SPOCK3: variants seen among roughly 807,000 people sequenced by gnomAD.
SPOCK3 encodes testican-3.
In SPOCK3, 30 loss-of-function variants were observed where a neutral mutation model predicts 56.6. The ratio of observed to expected loss-of-function variants is 0.53; its 90% CI spans 0.40 to 0.72. The LOEUF (loss-of-function observed/expected upper bound fraction) is 0.72, where lower values mean the gene tolerates loss of function less well. SPOCK3 is among the 30% of genes least tolerant of loss of function. SPOCK3 has a pLI of 0.00. For synonymous variants in SPOCK3, 196 were observed against 183.3 expected (o/e 1.07, Z -0.56); for missense variants, 527 against 530.0 (o/e 0.99, Z 0.06).
intron 2 of SPOCK3, among the ~76,000 whole-genome samples, chr4:167,192,772 C>T (rs1208103174): frequency 6.9e-6 from 1 of 145,492 alleles, no homozygotes; most frequent in East Asian, 2.1e-4. Context: ...ATTCTGCTGC[C>T]TCCCGTAACT....
intron 4 of SPOCK3, among the ~76,000 whole-genome samples, chr4:166,975,651 TCTC>T (rs532746437): frequency 1.6e-4 from 25 of 152,136 alleles, no homozygotes; most frequent in Non-Finnish European, 3.4e-4. Context: ...ACTGCCCTCA[TCTC>T]CTACTTCCCC....
chr4:167,034,873 T>C (rs1022608937), intron 3 of SPOCK3, among the ~76,000 whole-genome samples: 4 of 152,170 alleles, frequency 2.6e-5, no homozygotes, highest in South Asian at 2.1e-4. Context: ...TTTATCTCCA[T>C]ACAGAATTTC....
At chr4:167,090,611 C>A in intron 2 of SPOCK3, among the ~76,000 whole-genome samples, 1 of 151,890 alleles carries the variant, frequency 6.6e-6, no homozygotes, top group East Asian at 1.9e-4. Context: ...TCAAGTGATT[C>A]TCCTGCCTCA....
chr4:166,861,509 G>A lies in SPOCK3; in HGVS notation c.589+27621C>T, dbSNP rs74408006. The stretch of plus-strand genomic sequence containing the variant: ...GGCAAAATAACCCATTTCAGTAGAT[G>A]TTTAAATATAATGCCAAGAGTGCCT... On this transcript the variant is annotated intron_variant, in intron 6 of 10. Transcript: ENST00000357545. Among the ~76,000 whole-genome samples the A allele has an allele frequency of 4.7e-3, 711 of 152,252 alleles. 3 individuals carry two copies. The highest frequency in any genetic ancestry group is 0.016 in the African/African-American group (681 of 41,548).
intron 8 of SPOCK3, among the ~76,000 whole-genome samples, chr4:166,743,834 G>A (rs749460141): frequency 1.1e-4 from 17 of 152,196 alleles, no homozygotes; most frequent in East Asian, 1.9e-4. Context: ...TGGGTCCCAC[G>A]CCCATGGAGC....
At chr4:166,876,818 T>C (rs1733136362) in intron 6 of SPOCK3, among the ~76,000 whole-genome samples, 1 of 152,104 alleles carries the variant, frequency 6.6e-6, no homozygotes, top group African/African-American at 2.4e-5. Flanking sequence ...TGAGCAGAAC[T>C]TGTTGCAAAA....
intron 2 of SPOCK3, among the ~76,000 whole-genome samples, chr4:167,185,521 AC>A (rs1242801872): frequency 6.6e-6 from 1 of 151,978 alleles, no homozygotes; most frequent in Non-Finnish European, 1.5e-5. Flanking sequence ...CAGAGAACCA[AC>A]CCTAAATCAT....
intron 3 of SPOCK3, among the ~76,000 whole-genome samples, chr4:167,047,701 T>C (rs984794841): frequency 1.3e-5 from 2 of 152,202 alleles, no homozygotes; most frequent in Non-Finnish European, 2.9e-5. Flanking sequence ...CTATCTTTAC[T>C]ATCTATTTTA....
chr4:166,869,887 C>T lies in SPOCK3; in HGVS notation c.589+19243G>A, dbSNP rs750737483. Among the ~76,000 whole-genome samples the T allele has an allele frequency of 5.9e-5, 9 of 151,998 alleles. No homozygotes were observed. The South Asian group carries it at 6.2e-4, about 10-fold the overall frequency. On this transcript the variant is annotated intron_variant, in intron 6 of 10. Transcript: ENST00000357545. ...TGAATGCCATAAACAAGTAGAAACA[C>T]TTAAACAGTAATTTTTATTAATTGC...
Position 166,982,626 on chromosome 4 carries a change from TA to T in SPOCK3, c.350+17722del, listed in dbSNP as rs1746710560. Among the ~76,000 whole-genome samples the T allele has an allele frequency of 2.0e-5, 3 of 152,158 alleles. No individual in the cohort carries two copies. The East Asian group carries it at 5.8e-4, about 29-fold the overall frequency. On this transcript the variant is annotated intron_variant, in intron 4 of 10. Coordinates refer to ENST00000357545, the MANE Select transcript of SPOCK3 (RefSeq NM_001040159.2). ...AAATAACATTTTAGGGTTATCCATA[TA>T]AATAAAATCAAATAAATTATGAATT... is the stretch of plus-strand genomic sequence containing the variant.
chr4:167,080,664 G>A (rs1285681531), intron 2 of SPOCK3, among the ~76,000 whole-genome samples: 1 of 151,788 alleles, frequency 6.6e-6, no homozygotes, highest in Non-Finnish European at 1.5e-5. Context: ...AAGCAACAGA[G>A]GCCATGCAAT....
At chr4:166,837,989 C>A (rs112481026) in intron 6 of SPOCK3, among the ~76,000 whole-genome samples, 1 of 152,226 alleles carries the variant, frequency 6.6e-6, no homozygotes, top group African/African-American at 2.4e-5. Context: ...TGATATATAT[C>A]GTGTTGCTTT....
chr4:167,036,828 G>A (rs1163256947), intron 3 of SPOCK3, among the ~76,000 whole-genome samples: 1 of 151,660 alleles, frequency 6.6e-6, no homozygotes. Context: ...TAGCTGTATG[G>A]ATGCCCTCTA....
chr4:167,026,480 G>A (rs1751706320), intron 3 of SPOCK3, among the ~76,000 whole-genome samples: 1 of 152,066 alleles, frequency 6.6e-6, no homozygotes, highest in Non-Finnish European at 1.5e-5. Flanking sequence ...CAGAGAAGAC[G>A]ATGACTGGTG....
At chr4:167,022,878 C>T (rs577425271) in intron 3 of SPOCK3, among the ~76,000 whole-genome samples, 1 of 152,006 alleles carries the variant, frequency 6.6e-6, no homozygotes, top group African/African-American at 2.4e-5. Flanking sequence ...AGATGATCCT[C>T]CAGGAATACA....
At chr4:167,045,402 T>C (rs1403528865) in intron 3 of SPOCK3, among the ~76,000 whole-genome samples, 1 of 152,156 alleles carries the variant, frequency 6.6e-6, no homozygotes, top group Non-Finnish European at 1.5e-5. Context: ...ATTATTGATA[T>C]AGTTGGAATA....
chr4:167,002,022 G>A (rs1281993088), intron 3 of SPOCK3, among the ~76,000 whole-genome samples: 2 of 151,908 alleles, frequency 1.3e-5, no homozygotes, highest in South Asian at 2.1e-4. Context: ...TCAGTGGTGC[G>A]ATCTCGGCTC....
intron 2 of SPOCK3, among the ~76,000 whole-genome samples, chr4:167,173,135 C>A (rs2150471705): frequency 6.6e-6 from 1 of 152,222 alleles, no homozygotes; most frequent in Admixed American, 6.5e-5. Flanking sequence ...TACGACTTCC[C>A]ACTTTCATTC....
chr4:167,093,759 T>G (rs1177339288), intron 2 of SPOCK3, among the ~76,000 whole-genome samples: 1 of 152,184 alleles, frequency 6.6e-6, no homozygotes, highest in East Asian at 1.9e-4. Context: ...AACATAAGTG[T>G]GTGTGTGTCT....
Sources: allele counts gnomAD v4.1 joint callset (sites outside exome capture counted in the v4.1 genomes callset), GRCh38; gene constraint gnomAD v4.1.1; transcripts MANE v1.5; gene names NCBI Gene and HGNC (gene_info 2026-07-23, HGNC 2026-07-21).